MYO16: variants seen among roughly 807,000 people sequenced by gnomAD.
MYO16 encodes the protein myosin XVI.
A neutral mutation model predicts 205.3 loss-of-function variants in MYO16; 94 were observed. The ratio of observed to expected loss-of-function variants is 0.46; its 90% confidence interval spans 0.39 to 0.54. The LOEUF (loss-of-function observed/expected upper bound fraction) is 0.54, where lower values mean the gene tolerates loss of function less well. MYO16 is among the 20% of genes least tolerant of loss of function. The pLI is 0.00. For synonymous variants in MYO16, 988 were observed against 954.0 expected (o/e 1.04, Z -0.66); for missense variants, 2,315 against 2,387.5 (o/e 0.97, Z 0.63).
At chr13:108,868,523 G>A (rs2139130453) in intron 12 of MYO16, among the ~76,000 whole-genome samples, 1 of 152,200 alleles carries the variant, frequency 6.6e-6, no homozygotes, top group African/African-American at 2.4e-5. Flanking sequence ...AGATCTTTAA[G>A]CATTCTGGAT....
intron 16 of MYO16, among the ~76,000 whole-genome samples, chr13:108,925,613 C>T (rs937952236): frequency 3.3e-5 from 5 of 152,190 alleles, no homozygotes; most frequent in African/African-American, 9.7e-5. Flanking sequence ...TCTCCACTCA[C>T]GCTAAAATCT....
chr13:108,797,496 T>A (rs1886830212), intron 6 of MYO16, among the ~76,000 whole-genome samples: 1 of 152,196 alleles, frequency 6.6e-6, no homozygotes, highest in African/African-American at 2.4e-5. Context: ...GGACGAAATG[T>A]CCTCGGAACC....
chr13:108,822,493 A>G lies in MYO16; in HGVS notation c.944-632A>G, dbSNP rs896547062. On this transcript the variant is annotated intron_variant, in intron 8 of 34. Coordinates refer to ENST00000457511, the MANE Select transcript of MYO16 (RefSeq NM_001198950.3). ...TTCCTCATGATCTGTATCAATTTCTATATCAGTAATTGTTGTTAGTATAAA... is the reference window on the plus strand; with the variant it reads ...TTCCTCATGATCTGTATCAATTTCTGTATCAGTAATTGTTGTTAGTATAAA... 5.9e-5 allele frequency among the ~76,000 whole-genome samples: 9 copies of G among 152,276 alleles called. No homozygotes were observed. In the East Asian group the frequency reaches 7.7e-4, roughly 13 times the overall value.
At chr13:108,527,289 C>G in the MYO16 span, among the ~76,000 whole-genome samples, 372 of 152,082 alleles carry the variant, frequency 2.4e-3, no homozygotes, top group African/African-American at 8.4e-3. Context: ...TTTAGAAACC[C>G]AAGTTCATGA....
intron 2 of MYO16, among the ~76,000 whole-genome samples, chr13:108,702,797 G>A (rs1883361726): frequency 6.6e-6 from 1 of 152,082 alleles, no homozygotes. Context: ...GGTAGTAGTG[G>A]TAGAGGGGAC....
Position 109,120,768 on chromosome 13 carries a change from T to A in MYO16, c.3535+302T>A, listed in dbSNP as rs1274738918. On this transcript the variant is annotated intron_variant, in intron 29 of 34. Coordinates refer to ENST00000457511, the MANE Select transcript of MYO16 (RefSeq NM_001198950.3). The stretch of plus-strand genomic sequence containing the variant: ...GTGAATCTCTAATGGGTCTTTTCAT[T>A]TTCTGATAATAAAAAGTCCACCTGT... 3.9e-5 allele frequency among the ~76,000 whole-genome samples: 6 copies of A among 152,294 alleles called. No homozygotes were observed. The East Asian group carries it at 1.2e-3, about 29-fold the overall frequency.
intron 2 of MYO16, among the ~76,000 whole-genome samples, chr13:108,707,803 A>G (rs1883569622): frequency 6.6e-6 from 1 of 152,190 alleles, no homozygotes; most frequent in Admixed American, 6.5e-5. Context: ...CTGCACCAGA[A>G]TCTCCTGCAG....
Position 109,206,689 on chromosome 13 carries a change from G to A in MYO16, c.5496G>A (p.Glu1832=), listed in dbSNP as rs376408890. 1 of 1,614,178 alleles carries A rather than the reference G, an allele frequency of 6.2e-7. No individual in the cohort carries two copies. Residue 1832 remains glutamate (E), a synonymous_variant, in exon 35 of 35, where the codon GAG becomes GAA. Transcript: ENST00000457511. ...TGGACTGGAGGAGAAAGCTCTGTGA[G>A]GAAGGACAAGACTGGCAGCAGATCC... ...ELLDWRRKLC[E]EGQDWQQILH... is the part of the protein sequence containing the mutation.
At chr13:108,598,729 A>G (rs532373652) in intron 1 of MYO16, among the ~76,000 whole-genome samples, 1 of 152,202 alleles carries the variant, frequency 6.6e-6, no homozygotes, top group Non-Finnish European at 1.5e-5. Flanking sequence ...ATTCATTGGA[A>G]CATAAAACTG....
At chr13:108,761,681 G>A (rs1431348) in intron 4 of MYO16, among the ~76,000 whole-genome samples, 4,242 of 152,240 alleles carry the variant, frequency 0.028, 183 homozygotes, top group African/African-American at 0.097. Flanking sequence ...TATTACCCAA[G>A]TTTACACAGG....
At chr13:108,936,108 C>G (rs1882469186) in intron 16 of MYO16, among the ~76,000 whole-genome samples, 1 of 143,686 alleles carries the variant, frequency 7.0e-6, no homozygotes, top group African/African-American at 2.7e-5. Context: ...TTCCTTCCTT[C>G]CTTCCTTCCT....
rs1881182576 is a variant in MYO16, at chr13:108,910,049, A to G, written c.1824A>G (p.Gln608=). 2 of 1,613,240 alleles carry G rather than the reference A, an allele frequency of 1.2e-6. No individual in the cohort carries two copies. The highest frequency in any genetic ancestry group is 1.7e-6 in the Non-Finnish European group (2 of 1,179,650). ...TAGAGAAATCCAGACTTGTTTCACA[A>G]CCTCTTGGCCAGAGCAATTTTCTCA... The part of the protein sequence containing the change: ...YLLEKSRLVS[Q]PLGQSNFLIF... Residue 608 remains glutamine, a synonymous_variant, in exon 16 of 35, where the codon CAA becomes CAG. Coordinates refer to ENST00000457511, the MANE Select transcript of MYO16 (RefSeq NM_001198950.3).
At chr13:108,673,876 C>T (rs2139451241) in intron 2 of MYO16, among the ~76,000 whole-genome samples, 1 of 134,508 alleles carries the variant, frequency 7.4e-6, no homozygotes. Context: ...CTGTGATTCT[C>T]CATTGATGTG....
chr13:108,600,025 G>C (rs1181008464), intron 1 of MYO16, among the ~76,000 whole-genome samples: 2 of 152,096 alleles, frequency 1.3e-5, no homozygotes, highest in Admixed American at 1.3e-4. Flanking sequence ...CACACCCCCA[G>C]GACTTATTTG....
intron 9 of MYO16, among the ~76,000 whole-genome samples, chr13:108,842,133 C>T (rs1340676914): frequency 6.6e-6 from 1 of 151,932 alleles, no homozygotes; most frequent in Non-Finnish European, 1.5e-5. Context: ...TCAAGAAGCT[C>T]CTCAACAACT....
rs377382178 is a variant in MYO16 at position 108,925,926 on chromosome 13, T to A, written c.1925+15776T>A. On this transcript the variant is annotated intron_variant, in intron 16 of 34. Coordinates refer to ENST00000457511, the MANE Select transcript of MYO16 (RefSeq NM_001198950.3). ...GCCCCCATTAAAGGCTTCCAGTGTT[T>A]CCCTTGGACAGTAGAACAGAATTCA... Among the ~76,000 whole-genome samples, 8 of 152,162 alleles carry A rather than the reference T, an allele frequency of 5.3e-5. No homozygotes were observed. The East Asian group carries it at 7.7e-4, about 15-fold the overall frequency.
the MYO16 span, among the ~76,000 whole-genome samples, chr13:108,562,561 C>T: frequency 1.3e-5 from 2 of 152,070 alleles, no homozygotes; most frequent in Non-Finnish European, 2.9e-5. Context: ...ATGCAAACTG[C>T]TTAGGGTATT....
At chr13:109,204,557 T>A (rs1041581592) in intron 34 of MYO16, among the ~76,000 whole-genome samples, 1 of 152,232 alleles carries the variant, frequency 6.6e-6, no homozygotes, top group Admixed American at 6.5e-5. Flanking sequence ...CAGGGGACTC[T>A]GATCCTTAGC....
chr13:108,986,048 C>A (rs1414136899), intron 20 of MYO16, among the ~76,000 whole-genome samples: 1 of 152,152 alleles, frequency 6.6e-6, no homozygotes, highest in Non-Finnish European at 1.5e-5. Context: ...TCTTACATGG[C>A]AGCAGGCAAG....
Sources: gnomAD v4.1 joint callset for allele counts (sites outside exome capture counted in the v4.1 genomes callset) on GRCh38, gnomAD v4.1.1 for gene constraint, MANE v1.5 for transcripts, NCBI Gene and HGNC (gene_info 2026-07-23, HGNC 2026-07-21) for gene names.